GNAS: variants seen among roughly 807,000 people sequenced by gnomAD.
The protein encoded by GNAS is protein ALEX.
Under a neutral mutation model 54.5 loss-of-function variants are expected in GNAS, and 8 were observed. The observed-to-expected ratio is 0.15, with a 90% confidence interval of 0.09 to 0.26. The LOEUF (loss-of-function observed/expected upper bound fraction) is 0.26. Ranked by LOEUF, GNAS falls within the 10% of genes least tolerant of loss-of-function variation. GNAS has a pLI of 1.00. For missense variants in GNAS, 170 were observed against 529.8 expected, an observed-to-expected ratio of 0.32 and a Z score of 6.67; for synonymous variants, 204 against 191.4, an observed-to-expected ratio of 1.07 and a Z score of -0.54.
rs548241114 is a variant in GNAS, at chr20:58,852,670, C to G, written c.43+11784C>G. The G allele has an allele frequency of 1.2e-4, 23 of 189,734 alleles. No homozygotes were observed. In the South Asian group the frequency reaches 3.9e-3, roughly 32 times the overall value. 11.8% of individuals were successfully genotyped at this position (189,734 alleles called of 1,614,324 possible). On this transcript the variant is annotated intron_variant, in intron 1 of 12. Coordinates refer to the GNAS transcript ENST00000306090. ...GGCCCACGTCTTGCGTCACGTGTCC[C>G]GCAACGCAGGAGCGCTTTCTCTGGC... is the stretch of plus-strand genomic sequence containing the variant.
At chr20:58,862,884 C>G (rs946364911) in intron 1 of GNAS, among the ~76,000 whole-genome samples, 31 of 150,890 alleles carry the variant, frequency 2.1e-4, no homozygotes, top group African/African-American at 7.6e-4. Flanking sequence ...TTTTGATTAG[C>G]TCCTAACTAT....
Position 58,874,640 on chromosome 20 carries a change from T to TATCTTAGCTCCTGGCCTGCCCTCC in GNAS, c.44-20951_44-20928dup, listed in dbSNP as rs1460251890. On this transcript the variant is annotated intron_variant, in intron 1 of 12. Transcript: ENST00000306090. The stretch of plus-strand genomic sequence containing the variant: ...CCATCTTAGCTTCTGGCCTGCCTTC[T>TATCTTAGCTCCTGGCCTGCCCTCC]ATCTTAGCTCCTGGCCTGCCCTCCA... Among the ~76,000 whole-genome samples the TATCTTAGCTCCTGGCCTGCCCTCC allele has an allele frequency of 6.3e-3, 939 of 149,278 alleles. 7 individuals carry two copies. The highest frequency in any genetic ancestry group is 0.014 in the South Asian group (64 of 4,700).
intron 2 of GNAS, among the ~76,000 whole-genome samples, chr20:58,896,621 T>C (rs1214711583): frequency 7.5e-6 from 1 of 133,412 alleles, no homozygotes; most frequent in South Asian, 2.4e-4. Context: ...ACAAAACGTG[T>C]AAAAAAAAAA....
upstream of GNAS, among the ~76,000 whole-genome samples, chr20:58,891,105 A>G (rs2089201221): frequency 6.8e-6 from 1 of 146,168 alleles, no homozygotes; most frequent in South Asian, 2.3e-4. Flanking sequence ...CCCTCGGCTC[A>G]GCCGGGCTGC....
At chr20:58,846,479 G>C (rs942249982) in intron 1 of GNAS, among the ~76,000 whole-genome samples, 1 of 152,194 alleles carries the variant, frequency 6.6e-6, no homozygotes, top group African/African-American at 2.4e-5. Context: ...CATAGGTGTG[G>C]AGTTTTCATA....
intron 1 of GNAS, among the ~76,000 whole-genome samples, chr20:58,866,261 C>T (rs1266807695): frequency 1.3e-5 from 2 of 152,166 alleles, no homozygotes; most frequent in Non-Finnish European, 2.9e-5. Context: ...ACTGATCTTT[C>T]AAGACAGACA....
chr20:58,893,289 A>G (rs537815534), intron 1 of GNAS, among the ~76,000 whole-genome samples: 1 of 152,154 alleles, frequency 6.6e-6, no homozygotes. Context: ...CTATAAGGAG[A>G]TGGCCTTTCC....
At chr20:58,892,141 C>T (rs1235662771) in intron 1 of GNAS, 7 of 960,316 alleles carry the variant, frequency 7.3e-6, no homozygotes, top group African/African-American at 3.6e-5. Context: ...CTTGCTCTCG[C>T]TCTCGCTCTC....
chr20:58,853,770 C>T lies in GNAS; in HGVS notation c.43+12884C>T, dbSNP rs746247739. ...AGCTATGCCCTTTGAGTTTGACCAG[C>T]CTGCCCAGAGAGGCTGCAGTCAACT... On this transcript the variant is annotated intron_variant, in intron 1 of 12. Transcript: ENST00000306090. This position sits in a 1 kb window ranked among gnomAD's most constrained non-coding sequence, Gnocchi z 4.4. The T allele has an allele frequency of 8.7e-6, 14 of 1,613,190 alleles. No individual in the cohort carries two copies. In the African/African-American group the frequency reaches 1.7e-4, roughly 20 times the overall value.
rs568801148 is a variant in GNAS, at chr20:58,841,486, G to C, written c.43+600G>C. On this transcript the variant is annotated intron_variant, in intron 1 of 12. Transcript: ENST00000306090. The surrounding 1 kb of genome is among the most constrained non-coding windows in gnomAD (Gnocchi z 5.0). The stretch of plus-strand genomic sequence containing the variant: ...GCTCAGAGCCGGAGCCCAGGTCCCA[G>C]AGCTGACAATTAAGCCGCGGGACCT... The C allele has an allele frequency of 3.5e-5, 35 of 991,364 alleles. No individual in the cohort carries two copies. Among genetic ancestry groups the C allele is most frequent in the Non-Finnish European group, 4.1e-5 (34 of 834,150 alleles). 61.4% of individuals were successfully genotyped at this position (991,364 alleles called of 1,614,324 possible).
chr20:58,859,657 C>T (rs1343136488), intron 1 of GNAS, among the ~76,000 whole-genome samples: 1 of 149,402 alleles, frequency 6.7e-6, no homozygotes, highest in African/African-American at 2.5e-5. Context: ...GAAGGAGTCT[C>T]GCTCTATCGC....
rs1251909765 is a variant in GNAS at position 58,841,101 on chromosome 20, G to A, written c.43+215G>A. Among the ~76,000 whole-genome samples the A allele has an allele frequency of 6.6e-6, 1 of 152,030 alleles. No individual in the cohort carries two copies. Among genetic ancestry groups the A allele is most frequent in the Non-Finnish European group, 1.5e-5 (1 of 67,990 alleles). ...CCTGGTGGCCAAAGGCTTGTTGGACGGCGGGGCGCACGCCGTGCGTCCCGC... is the reference window on the plus strand; with the variant it reads ...CCTGGTGGCCAAAGGCTTGTTGGACAGCGGGGCGCACGCCGTGCGTCCCGC... On this transcript the variant is annotated intron_variant, in intron 1 of 12. Coordinates refer to the GNAS transcript ENST00000306090. This position sits in a 1 kb window ranked among gnomAD's most constrained non-coding sequence, Gnocchi z 5.0.
intron 1 of GNAS, among the ~76,000 whole-genome samples, chr20:58,877,409 C>T (rs1311387657): frequency 6.6e-6 from 1 of 152,168 alleles, no homozygotes; most frequent in Non-Finnish European, 1.5e-5. Context: ...CTAGCTTCCC[C>T]CTTTCCTTCC....
chr20:58,906,909 G>A (rs1228947400), intron 6 of GNAS, among the ~76,000 whole-genome samples: 1 of 152,220 alleles, frequency 6.6e-6, no homozygotes, highest in Non-Finnish European at 1.5e-5. Flanking sequence ...TCTGAAGTAG[G>A]AGTGTCCTGT....
Position 58,911,058 on chromosome 20 carries a change from C to T in GNAS, c.*229C>T. On this transcript the variant is annotated 3_prime_UTR_variant, in exon 13 of 13. Transcript: ENST00000371085. Reference sequence around the variant, plus strand: ...AAAGGAAAAAAGGCCACAAAAGTTCCCTCTCACTTTCAGTAAAAATAAATA... The same window carrying T: ...AAAGGAAAAAAGGCCACAAAAGTTCTCTCTCACTTTCAGTAAAAATAAATA... 3.0e-6 allele frequency: 2 copies of T among 667,186 alleles called. No homozygotes were observed. The highest frequency in any genetic ancestry group is 2.9e-5 in the East Asian group (1 of 34,938). The allele number at this position is 667,186 out of a possible 1,614,324, so 41.3% of individuals were successfully genotyped here. A position where few individuals can be genotyped will look rare whatever the true frequency, so the allele number is the denominator to read the frequency against.
chr20:58,859,630 T>G (rs1382699969), intron 1 of GNAS, among the ~76,000 whole-genome samples: 1 of 123,230 alleles, frequency 8.1e-6, no homozygotes, highest in African/African-American at 4.5e-5. Context: ...ATCAGACACT[T>G]TTTTTTTTTT....
chr20:58,909,244 ACT>A lies in GNAS; in HGVS notation c.585+31_585+32del, dbSNP rs757044247. Reference sequence around the variant, plus strand: ...GTGCAAAACCCCTCCCCACCAGAGGACTCTGAGCCCTCTTTCCAAACTACTCC... The same window carrying A: ...GTGCAAAACCCCTCCCCACCAGAGGACTGAGCCCTCTTTCCAAACTACTCC... On this transcript the variant is annotated intron_variant, in intron 7 of 12. Transcript: ENST00000371085. The surrounding 1 kb of genome is among the most constrained non-coding windows in gnomAD (Gnocchi z 7.3). 1.4e-5 allele frequency: 22 copies of A among 1,598,290 alleles called. No individual in the cohort carries two copies. The South Asian group carries it at 2.4e-4, about 18-fold the overall frequency.
intron 1 of GNAS, among the ~76,000 whole-genome samples, chr20:58,868,840 C>T (rs1278477829): frequency 6.6e-6 from 1 of 152,100 alleles, no homozygotes; most frequent in African/African-American, 2.4e-5. Context: ...TTATTCAGGG[C>T]TGGGAAGTGG....
At chr20:58,883,382 C>G (rs1381030937) in intron 1 of GNAS, among the ~76,000 whole-genome samples, 1 of 152,102 alleles carries the variant, frequency 6.6e-6, no homozygotes, top group Non-Finnish European at 1.5e-5. Context: ...CAGGAATGTT[C>G]AAGAAAGCAG....
Sources: allele counts gnomAD v4.1 joint callset (sites outside exome capture counted in the v4.1 genomes callset), GRCh38; gene constraint gnomAD v4.1.1; non-coding constraint Gnocchi (gnomAD v3.1); transcripts MANE v1.5; gene names NCBI Gene and HGNC (gene_info 2026-07-23, HGNC 2026-07-21).